PCDH17: variants seen among roughly 807,000 people sequenced by gnomAD.
The protein encoded by PCDH17 is protocadherin-17.
A neutral mutation model predicts 67.7 loss-of-function variants in PCDH17; 21 were observed. The ratio of observed to expected loss-of-function variants is 0.31; its 90% confidence interval spans 0.22 to 0.45. The LOEUF is 0.45. PCDH17 is among the 20% of genes least tolerant of loss of function. PCDH17 has a pLI of 1.00. For synonymous variants in PCDH17, 701 were observed against 656.7 expected (o/e 1.07, Z -1.03); for missense variants, 1,471 against 1,564.8 (o/e 0.94, Z 1.01).
intron 3 of PCDH17, among the ~76,000 whole-genome samples, chr13:57,716,377 G>A (rs1955816635): frequency 6.6e-6 from 1 of 151,828 alleles, no homozygotes. Context: ...GTTATGTCAA[G>A]TGTTGCCATT....
chr13:57,687,449 G>C (rs544126059), intron 3 of PCDH17, among the ~76,000 whole-genome samples: 3 of 151,924 alleles, frequency 2.0e-5, no homozygotes, highest in Admixed American at 2.0e-4. Context: ...CTAGCTATTA[G>C]ATTAAACACA....
intron 3 of PCDH17, among the ~76,000 whole-genome samples, chr13:57,700,569 T>C (rs922869118): frequency 6.6e-6 from 1 of 152,102 alleles, no homozygotes; most frequent in Non-Finnish European, 1.5e-5. Context: ...AAAGATTATG[T>C]ATGCTAATGA....
chr13:57,691,509 A>G (rs1232865070), intron 3 of PCDH17, among the ~76,000 whole-genome samples: 1 of 151,286 alleles, frequency 6.6e-6, no homozygotes, highest in African/African-American at 2.4e-5. Context: ...AGTGGGGAGT[A>G]AACCAAGTAT....
rs1411397849 is a variant in PCDH17 at position 57,727,828 on chromosome 13, A to G, written c.*2534A>G. 1.3e-5 allele frequency: 2 copies of G among 152,362 alleles called. No homozygotes were observed. Among genetic ancestry groups the G allele is most frequent in the African/African-American group, 2.4e-5 (1 of 41,444 alleles). The allele number at this position is 152,362 out of a possible 1,614,324, so 9.4% of individuals were successfully genotyped here. ...TCTTACCAAGTGTTGCTTCTCTCTT[A>G]CTAGACAGATATCCACTTAGTAAAA... On this transcript the variant is annotated 3_prime_UTR_variant, in exon 4 of 4. Coordinates refer to ENST00000377918, the MANE Select transcript of PCDH17 (RefSeq NM_001040429.3).
intron 1 of PCDH17, among the ~76,000 whole-genome samples, chr13:57,662,224 A>T (rs1955192689): frequency 6.6e-6 from 1 of 152,158 alleles, no homozygotes; most frequent in African/African-American, 2.4e-5. Flanking sequence ...TTTATCTTTT[A>T]AAAAATTGTT....
chr13:57,638,964 T>C (rs944168099), intron 1 of PCDH17, among the ~76,000 whole-genome samples: 2 of 152,056 alleles, frequency 1.3e-5, no homozygotes, highest in Non-Finnish European at 2.9e-5. Context: ...CAGTAACAAA[T>C]ACAAAGTGCG....
rs1955259186 is a variant in PCDH17 at position 57,666,652 on chromosome 13, G to A, written c.2625-9G>A. On this transcript the variant is annotated splice_polypyrimidine_tract_variant and intron_variant, in intron 2 of 3. Coordinates refer to ENST00000377918, the MANE Select transcript of PCDH17 (RefSeq NM_001040429.3). ...CACTTTCTCTTCTTTTTCTTTATAT[G>A]TATTTCAGTAGCTCCACGTTTAAGG... The A allele has an allele frequency of 6.2e-7, 1 of 1,609,536 alleles. No homozygotes were observed. The highest frequency in any genetic ancestry group is 8.5e-7 in the Non-Finnish European group (1 of 1,177,738).
chr13:57,702,517 T>A (rs1156837236), intron 3 of PCDH17, among the ~76,000 whole-genome samples: 1 of 152,158 alleles, frequency 6.6e-6, no homozygotes, highest in Non-Finnish European at 1.5e-5. Context: ...TAAATCCGGC[T>A]GTGCAGGGTT....
At chr13:57,687,731 A>G (rs1955521201) in intron 3 of PCDH17, among the ~76,000 whole-genome samples, 1 of 152,038 alleles carries the variant, frequency 6.6e-6, no homozygotes, top group Non-Finnish European at 1.5e-5. Flanking sequence ...CAATTTGACC[A>G]TGAATACCTG....
At chr13:57,709,874 G>A (rs1001341459) in intron 3 of PCDH17, 1 of 151,980 alleles carries the variant, frequency 6.6e-6, no homozygotes, top group African/African-American at 2.4e-5. Context: ...TTCTTTAAAG[G>A]AAAATAGCAT....
chr13:57,667,964 G>C (rs972186491), intron 3 of PCDH17, among the ~76,000 whole-genome samples: 1 of 149,986 alleles, frequency 6.7e-6, no homozygotes, highest in African/African-American at 2.4e-5. Context: ...ATATAATTAT[G>C]CTGAATTTAT....
rs546495203 is a variant in PCDH17, at chr13:57,650,741, T to TTGTGGA, written c.2565+15631_2565+15636dup. ...TGTATAGTAAGAAGTCATTACATAA[T>TTGTGGA]TGTGGACTGAAAATAGAGAAAGTTG... On this transcript the variant is annotated intron_variant, in intron 1 of 3. Coordinates refer to ENST00000377918, the MANE Select transcript of PCDH17 (RefSeq NM_001040429.3). Among the ~76,000 whole-genome samples, 17 of 152,284 alleles carry TTGTGGA rather than the reference T, an allele frequency of 1.1e-4. No homozygotes were observed. The South Asian group carries it at 3.5e-3, about 32-fold the overall frequency.
intron 3 of PCDH17, among the ~76,000 whole-genome samples, chr13:57,692,294 A>G (rs898840263): frequency 1.3e-5 from 2 of 151,274 alleles, no homozygotes; most frequent in African/African-American, 4.8e-5. Flanking sequence ...CCATACATCA[A>G]TTGAATGTTA....
intron 3 of PCDH17, among the ~76,000 whole-genome samples, chr13:57,687,506 G>A (rs181497987): frequency 6.6e-6 from 1 of 151,552 alleles, no homozygotes; most frequent in East Asian, 2.0e-4. Flanking sequence ...ATATTTGACT[G>A]GCTCTTGAGG....
intron 1 of PCDH17, among the ~76,000 whole-genome samples, chr13:57,651,356 GTTTTTTTTTT>G (rs67207232): frequency 2.4e-5 from 2 of 84,102 alleles, no homozygotes; most frequent in East Asian, 7.3e-4. Flanking sequence ...TTTAATTGAG[GTTTTTTTTTT>G]TTTTTTTTTT....
At chr13:57,680,544 A>G (rs1266353797) in intron 3 of PCDH17, among the ~76,000 whole-genome samples, 3 of 151,618 alleles carry the variant, frequency 2.0e-5, no homozygotes, top group Non-Finnish European at 3.0e-5. Flanking sequence ...CTTTATTTTC[A>G]GTGTGGTTAC....
At chr13:57,716,004 AG>A (rs1955813665) in intron 3 of PCDH17, among the ~76,000 whole-genome samples, 1 of 152,004 alleles carries the variant, frequency 6.6e-6, no homozygotes, top group African/African-American at 2.4e-5. Context: ...TAGAAGAAGC[AG>A]GATGATATGA....
Position 57,632,367 on chromosome 13 carries a change from A to C in PCDH17, c.-180A>C. 2 of 617,606 alleles carry C rather than the reference A, an allele frequency of 3.2e-6. No individual in the cohort carries two copies. The highest frequency in any genetic ancestry group is 1.8e-5 in the African/African-American group (1 of 54,142). The allele number at this position is 617,606 out of a possible 1,614,324, so 38.3% of individuals were successfully genotyped here. A position where few individuals can be genotyped will look rare whatever the true frequency, so the allele number is the denominator to read the frequency against. ...TGCTGTAGATCAACAGGTTCAGGGA[A>C]CTTGAGCAGAATAAGGAGAGACCAC... is the stretch of plus-strand genomic sequence containing the variant. On this transcript the variant is annotated 5_prime_UTR_variant, in exon 1 of 4. Coordinates refer to ENST00000377918, the MANE Select transcript of PCDH17 (RefSeq NM_001040429.3).
upstream of PCDH17, among the ~76,000 whole-genome samples, chr13:57,630,461 G>A (rs1439551284): frequency 6.6e-6 from 1 of 151,964 alleles, no homozygotes; most frequent in East Asian, 1.9e-4. Context: ...TATGATGCGA[G>A]GCTAAGCTGG....
Sources: allele counts gnomAD v4.1 joint callset (sites outside exome capture counted in the v4.1 genomes callset), GRCh38; gene constraint gnomAD v4.1.1; transcripts MANE v1.5; gene names NCBI Gene and HGNC (gene_info 2026-07-23, HGNC 2026-07-21).